The following WDR93 variants were observed in gnomAD, a reference collection of about 807,000 sequenced individuals.
The protein encoded by WDR93 is WD repeat-containing protein 93.
A neutral mutation model predicts 82.9 loss-of-function variants in WDR93; 73 were observed. That is an observed-to-expected ratio of 0.88 (90% CI 0.73 to 1.07). WDR93 has a LOEUF of 1.07. Ranked by LOEUF, WDR93 falls within the 50% of genes least tolerant of loss-of-function variation. The pLI is 0.00. For missense variants in WDR93, 738 were observed against 826.0 expected, an observed-to-expected ratio of 0.89 and a Z score of 1.31; for synonymous variants, 283 against 300.1, an observed-to-expected ratio of 0.94 and a Z score of 0.59.
chr15:89,743,591 C>T lies in WDR93; in HGVS notation c.*200C>T. On this transcript the variant is annotated 3_prime_UTR_variant, in exon 17 of 17. Coordinates refer to ENST00000268130, the MANE Select transcript of WDR93 (RefSeq NM_020212.2). Reference sequence around the variant, plus strand: ...CCACTAAGCCTCTTGTCAGAGCCCTCAGGCAGGCAGATGTGTCACCCAAAT... The same window carrying T: ...CCACTAAGCCTCTTGTCAGAGCCCTTAGGCAGGCAGATGTGTCACCCAAAT... 1.7e-6 allele frequency: 1 copy of T among 590,804 alleles called. No homozygotes were observed. Among genetic ancestry groups the T allele is most frequent in the Non-Finnish European group, 3.0e-6 (1 of 332,838 alleles). 36.6% of individuals were successfully genotyped at this position (590,804 alleles called of 1,614,324 possible). A position where few individuals can be genotyped will look rare whatever the true frequency, so the allele number is the denominator to read the frequency against.
chr15:89,701,548 C>G (rs183102175), intron 1 of WDR93, among the ~76,000 whole-genome samples, 159 bp from the exon 2 acceptor site: 2 of 152,266 alleles, frequency 1.3e-5, no homozygotes, highest in Admixed American at 1.3e-4. Context: ...ATATGAAGAG[C>G]ATATCCTAAG....
chr15:89,714,222 G>T (rs1966137765), intron 5 of WDR93: 1 of 152,262 alleles, frequency 6.6e-6, no homozygotes, highest in Admixed American at 6.5e-5. Context: ...AAGGCAAAAT[G>T]TCAGTGGATG....
At chr15:89,729,336 A>G (rs1002699286) in intron 10 of WDR93, among the ~76,000 whole-genome samples, 1 of 152,102 alleles carries the variant, frequency 6.6e-6, no homozygotes, top group Non-Finnish European at 1.5e-5. Flanking sequence ...AGAAGGCATG[A>G]GCCCACATCC....
intron 14 of WDR93, among the ~76,000 whole-genome samples, chr15:89,736,154 A>G (rs1339227058): frequency 6.6e-6 from 1 of 152,212 alleles, no homozygotes; most frequent in Non-Finnish European, 1.5e-5. Context: ...TAGAGCAGGG[A>G]TGGAGAGTTG....
At chr15:89,718,139 G>T (rs1002056216) in intron 7 of WDR93, among the ~76,000 whole-genome samples, 1 of 152,020 alleles carries the variant, frequency 6.6e-6, no homozygotes, top group Non-Finnish European at 1.5e-5. Flanking sequence ...TCAGGAATTT[G>T]AGACCAGCCT....
At chr15:89,699,729 G>A (rs1449663122) in intron 1 of WDR93, among the ~76,000 whole-genome samples, 1 of 151,750 alleles carries the variant, frequency 6.6e-6, no homozygotes, top group Non-Finnish European at 1.5e-5. Context: ...TTTTTCCTCT[G>A]AAATCTTCAT....
At position 89,729,727 on chromosome 15, in the gene WDR93, T is replaced by G. The variant is rs142143940; in HGVS notation, c.1168T>G (p.Phe390Val). The G allele has an allele frequency of 6.2e-7, 1 of 1,613,440 alleles. No homozygotes were observed. Among genetic ancestry groups the G allele is most frequent in the Non-Finnish European group, 8.5e-7 (1 of 1,179,882 alleles). Residue 390 changes from phenylalanine to valine, a missense_variant, in exon 11 of 17, where the codon TTC (phenylalanine) becomes GTC (valine). By Grantham distance (50) the Phe-to-Val change is conservative. Coordinates refer to ENST00000268130, the MANE Select transcript of WDR93 (RefSeq NM_020212.2). ...LGIHWTRSHN[F>V]FLYSLNRTLK... ...TATACACTGGACCAGAAGTCACAAT[T>G]TCTTCCTGTATTCACTAAACCGAAC...
At chr15:89,702,097 T>G in intron 2 of WDR93, 48 bp downstream of exon 2, 1 of 1,539,678 alleles carries the variant, frequency 6.5e-7, no homozygotes, top group Non-Finnish European at 8.8e-7. Context: ...CAGTTGAGTG[T>G]TAATAAATGA....
At chr15:89,738,367 C>A (rs1967380192) in intron 16 of WDR93, 131 bp downstream of exon 16, 2 of 1,125,358 alleles carry the variant, frequency 1.8e-6, no homozygotes, top group South Asian at 1.7e-5. Context: ...TGGCTCACGC[C>A]TGTAATCCCA....
At chr15:89,696,014 G>A (rs1331049139) in intron 1 of WDR93, among the ~76,000 whole-genome samples, 2 of 151,736 alleles carry the variant, frequency 1.3e-5, no homozygotes, top group African/African-American at 2.4e-5. Flanking sequence ...GTGGGGTTTT[G>A]CCATGTTGCC....
intron 5 of WDR93, among the ~76,000 whole-genome samples, chr15:89,713,388 A>G (rs966892448): frequency 5.3e-5 from 8 of 152,112 alleles, no homozygotes; most frequent in African/African-American, 1.9e-4. Context: ...ACCTTTAAAT[A>G]TTTAGATACA....
At chr15:89,711,645 C>G (rs1277290619) in intron 4 of WDR93, among the ~76,000 whole-genome samples, 2 of 152,038 alleles carry the variant, frequency 1.3e-5, no homozygotes, top group Admixed American at 6.5e-5. Flanking sequence ...TAAATAGAGC[C>G]TTTTGTCCAG....
chr15:89,698,368 CACAGCATATAT>C (rs1225184059), intron 1 of WDR93, among the ~76,000 whole-genome samples: 2 of 152,098 alleles, frequency 1.3e-5, no homozygotes, highest in Admixed American at 1.3e-4. Context: ...GGTTTTTGTG[CACAGCATATAT>C]TGAGTCTTAT....
chr15:89,709,771 G>A (rs1965878515), intron 4 of WDR93, among the ~76,000 whole-genome samples: 1 of 151,870 alleles, frequency 6.6e-6, no homozygotes. Context: ...GATACATCAA[G>A]CCCATTTTTA....
Position 89,702,034 on chromosome 15 carries a change from A to G in WDR93, c.288A>G (p.Pro96=). The change falls in exon 2 of 17, where the codon CCA becomes CCG. Residue 96 remains proline, a synonymous_variant. Transcript: ENST00000268130. ...AGATCCAGCCCACCGTCTACCCTCCACTTGGAGAAATCCAGGTATGGAGTA... is the reference window on the plus strand; with the variant it reads ...AGATCCAGCCCACCGTCTACCCTCCGCTTGGAGAAATCCAGGTATGGAGTA... ...SSQIQPTVYP[P]LGEIQLNKMP... The G allele has an allele frequency of 6.2e-7, 1 of 1,609,268 alleles. No homozygotes were observed. The highest frequency in any genetic ancestry group is 8.5e-7 in the Non-Finnish European group (1 of 1,177,414).
chr15:89,708,553 G>T (rs1238225082), intron 4 of WDR93, among the ~76,000 whole-genome samples: 1 of 152,118 alleles, frequency 6.6e-6, no homozygotes, highest in Non-Finnish European at 1.5e-5. Context: ...TAGGACAAGA[G>T]CGTCATTGCA....
chr15:89,711,998 A>G, intron 4 of WDR93, 28 bp from the exon 5 acceptor site: 2 of 1,574,818 alleles, frequency 1.3e-6, no homozygotes, highest in East Asian at 4.5e-5. Context: ...GGCTATGCCT[A>G]CTCTATCAAC....
intron 3 of WDR93, chr15:89,703,561 T>C (rs142103702): frequency 1.0e-5 from 2 of 199,206 alleles, no homozygotes; most frequent in African/African-American, 4.7e-5. Flanking sequence ...CAGGCCTCCA[T>C]GAGGAGTATG....
chr15:89,694,351 C>T (rs1965054135), intron 1 of WDR93, among the ~76,000 whole-genome samples: 1 of 150,768 alleles, frequency 6.6e-6, no homozygotes, highest in African/African-American at 2.4e-5. Flanking sequence ...TCTCCTGCCT[C>T]AGCCCCCCGA....
Sources: gnomAD v4.1 joint callset for allele counts (sites outside exome capture counted in the v4.1 genomes callset) on GRCh38, gnomAD v4.1.1 for gene constraint, MANE v1.5 for transcripts, NCBI Gene and HGNC (gene_info 2026-07-23, HGNC 2026-07-21) for gene names.